The following MBD5 variants were observed in gnomAD, a reference collection of about 807,000 sequenced individuals.
MBD5 encodes methyl-CpG binding domain protein 5, also known as methyl-CpG-binding domain protein 5.
In MBD5, 13 loss-of-function variants were observed where a neutral mutation model predicts 117.3. The ratio of observed to expected loss-of-function variants is 0.11; its 90% CI spans 0.07 to 0.18. The LOEUF (loss-of-function observed/expected upper bound fraction) is 0.18. MBD5 is among the 10% of genes least tolerant of loss of function. The probability of loss-of-function intolerance (pLI) is 1.00; values close to 1 mark genes in which losing one functional copy is unlikely to be tolerated. For synonymous variants in MBD5, 727 were observed against 766.4 expected (o/e 0.95, Z 0.85); for missense variants, 1,879 against 2,093.8 (o/e 0.90, Z 2.00).
At position 148,484,073 on chromosome 2, in the gene MBD5, A is replaced by T; in HGVS notation, c.3482A>T (p.Lys1161Ile). ...NNAGNTPGPA[K>I]LNSNSVVPQL... The stretch of plus-strand genomic sequence containing the variant: ...GCTGGGAATACACCTGGTCCAGCTA[A>T]ACTCAACAGTAACTCTGTGGTGCCA... Residue 1161 changes from lysine (K) to isoleucine (I), a missense_variant, in exon 9 of 14, where the codon AAA becomes ATA. Coordinates refer to ENST00000642680, the MANE Select transcript of MBD5 (RefSeq NM_001378120.1). 6.5e-7 allele frequency: 1 copy of T among 1,547,002 alleles called. No individual in the cohort carries two copies.
intron 1 of MBD5, among the ~76,000 whole-genome samples, chr2:148,106,348 T>C (rs1696373021): frequency 6.6e-6 from 1 of 151,994 alleles, no homozygotes; most frequent in African/African-American, 2.4e-5. Flanking sequence ...GATACTCATA[T>C]CTAGGAATGC....
chr2:148,321,300 T>A (rs1380242979), intron 3 of MBD5, among the ~76,000 whole-genome samples: 5 of 152,104 alleles, frequency 3.3e-5, no homozygotes, highest in African/African-American at 9.7e-5. Flanking sequence ...TAATGATAGC[T>A]GATGAACTAA....
intron 1 of MBD5, among the ~76,000 whole-genome samples, chr2:148,074,489 T>G (rs539697303): frequency 8.9e-5 from 12 of 134,394 alleles, no homozygotes; most frequent in Admixed American, 5.6e-4. Flanking sequence ...AGTTTGTTTT[T>G]TTTTTGTTTT....
intron 1 of MBD5, among the ~76,000 whole-genome samples, chr2:148,106,548 T>G (rs150793563): frequency 6.6e-6 from 1 of 152,106 alleles, no homozygotes; most frequent in Non-Finnish European, 1.5e-5. Context: ...ACATTTATAT[T>G]TATTGTATTT....
chr2:148,477,007 T>TTA (rs1680987402), intron 8 of MBD5, among the ~76,000 whole-genome samples: 1 of 151,714 alleles, frequency 6.6e-6, no homozygotes, highest in African/African-American at 2.4e-5. Flanking sequence ...AGGAATTTTT[T>TTA]AAAAAAAACC....
chr2:148,507,323 T>C (rs1449440828), intron 12 of MBD5, among the ~76,000 whole-genome samples: 1 of 152,236 alleles, frequency 6.6e-6, no homozygotes, highest in Non-Finnish European at 1.5e-5. Flanking sequence ...TATAGTCAAA[T>C]ATCCATTTTC....
intron 4 of MBD5, among the ~76,000 whole-genome samples, chr2:148,392,346 T>C (rs1373865658): frequency 1.3e-5 from 2 of 152,226 alleles, no homozygotes; most frequent in Admixed American, 6.5e-5. Context: ...TCAGTGTTTT[T>C]CAATTTGTTG....
At chr2:148,450,911 C>A (rs1574438349) in intron 4 of MBD5, among the ~76,000 whole-genome samples, 1 of 152,124 alleles carries the variant, frequency 6.6e-6, no homozygotes. Context: ...CAAAGATGGG[C>A]ACAGACAAGC....
rs1050960006 is a variant in MBD5 at position 148,239,993 on chromosome 2, A to G, written c.-680+6598A>G. Among the ~76,000 whole-genome samples the G allele has an allele frequency of 5.3e-5, 8 of 152,332 alleles. No homozygotes were observed. The East Asian group carries it at 1.3e-3, about 26-fold the overall frequency. On this transcript the variant is annotated intron_variant, in intron 3 of 13. Transcript: ENST00000642680. ...TATGTTTATTGCGGCACTATTCACA[A>G]TAGCAAAGACTTGGAACCAACTCAA... is the stretch of plus-strand genomic sequence containing the variant.
chr2:148,207,337 T>C (rs1238469843), intron 2 of MBD5, among the ~76,000 whole-genome samples: 1 of 150,602 alleles, frequency 6.6e-6, no homozygotes, highest in African/African-American at 2.4e-5. Context: ...CATAATTAGA[T>C]AAGTGAGCAG....
At chr2:148,229,966 C>T (rs945693248) in intron 2 of MBD5, among the ~76,000 whole-genome samples, 4 of 152,176 alleles carry the variant, frequency 2.6e-5, no homozygotes, top group Non-Finnish European at 5.9e-5. Flanking sequence ...ACCTCTGTGG[C>T]CGTCACCACT....
At chr2:148,120,911 C>T (rs147527922) in intron 1 of MBD5, among the ~76,000 whole-genome samples, 30 of 152,234 alleles carry the variant, frequency 2.0e-4, no homozygotes, top group African/African-American at 5.5e-4. Context: ...TTTTCATAGA[C>T]GCCCTTGATC....
At chr2:148,382,320 A>G (rs987641577) in intron 4 of MBD5, among the ~76,000 whole-genome samples, 2 of 152,206 alleles carry the variant, frequency 1.3e-5, no homozygotes, top group Non-Finnish European at 2.9e-5. Flanking sequence ...CTCGGATAAA[A>G]CAGACTTTAA....
At chr2:148,178,106 C>A (rs1406383954) in intron 1 of MBD5, among the ~76,000 whole-genome samples, 3 of 152,174 alleles carry the variant, frequency 2.0e-5, no homozygotes, top group Admixed American at 2.0e-4. Context: ...AAAAAACACT[C>A]TCTCTGGATA....
chr2:148,102,729 CAGAGAGAGAGAGAGAG>C (rs70992193), intron 1 of MBD5, among the ~76,000 whole-genome samples: 1 of 102,580 alleles, frequency 9.7e-6, no homozygotes, highest in African/African-American at 4.0e-5. Flanking sequence ...CACACACACA[CAGAGAGAGAGAGAGAG>C]AGAGAGAGAG....
At chr2:148,169,886 A>G (rs1313313148) in intron 1 of MBD5, among the ~76,000 whole-genome samples, 1 of 137,508 alleles carries the variant, frequency 7.3e-6, no homozygotes, top group Non-Finnish European at 1.5e-5. Flanking sequence ...GGTCATACCC[A>G]ATAAGGGATT....
intron 3 of MBD5, among the ~76,000 whole-genome samples, chr2:148,314,069 G>A (rs530046164): frequency 2.6e-5 from 4 of 151,860 alleles, no homozygotes; most frequent in South Asian, 2.1e-4. Flanking sequence ...GCTGCAGATC[G>A]GAGCTATTCC....
In MBD5 at chr2:148,490,555, C is replaced by T. The variant is rs747736779; in HGVS notation, c.4923C>T (p.Asp1641=). The T allele has an allele frequency of 4.3e-6, 7 of 1,614,174 alleles. No individual in the cohort carries two copies. The highest frequency in any genetic ancestry group is 2.2e-5 in the East Asian group (1 of 44,884). ...CTGGAAAATTAGTAAGAGAAGACGACGTTCACAATTCATGTCAACAAAGCC... is the reference window on the plus strand; with the variant it reads ...CTGGAAAATTAGTAAGAGAAGACGATGTTCACAATTCATGTCAACAAAGCC... ...SWPGKLVRED[D]VHNSCQQSPE... The change falls in exon 11 of 14, where the codon GAC becomes GAT. Residue 1641 remains aspartate (D), a synonymous_variant. Coordinates refer to ENST00000642680, the MANE Select transcript of MBD5 (RefSeq NM_001378120.1).
chr2:148,398,849 T>A (rs59015209), intron 4 of MBD5, among the ~76,000 whole-genome samples: 2 of 152,130 alleles, frequency 1.3e-5, no homozygotes, highest in African/African-American at 4.8e-5. Context: ...AGGAAGGGAT[T>A]CAGTTTCAGC....
Sources: gnomAD v4.1 joint callset for allele counts (sites outside exome capture counted in the v4.1 genomes callset) on GRCh38, gnomAD v4.1.1 for gene constraint, MANE v1.5 for transcripts, NCBI Gene and HGNC (gene_info 2026-07-23, HGNC 2026-07-21) for gene names.